CAMK1D: variants seen among roughly 807,000 people sequenced by gnomAD.
CAMK1D encodes the protein calcium/calmodulin dependent protein kinase ID.
A neutral mutation model predicts 47.7 loss-of-function variants in CAMK1D; 9 were observed. The observed-to-expected ratio is 0.19, with a 90% confidence interval of 0.11 to 0.33. The LOEUF (loss-of-function observed/expected upper bound fraction) is 0.33. Ranked by LOEUF, CAMK1D falls within the 10% of genes least tolerant of loss-of-function variation. CAMK1D has a pLI of 1.00. For synonymous variants in CAMK1D, 184 were observed against 184.9 expected (o/e 0.99, Z 0.04); for missense variants, 291 against 488.7 (o/e 0.60, Z 3.81).
chr10:12,774,957 C>T (rs1269596627), intron 5 of CAMK1D, among the ~76,000 whole-genome samples: 2 of 152,252 alleles, frequency 1.3e-5, no homozygotes, highest in Non-Finnish European at 2.9e-5. Context: ...CTCTAGGACA[C>T]GAGCTGGGAT....
chr10:12,492,347 C>CAAAAA (rs71384332), intron 1 of CAMK1D, among the ~76,000 whole-genome samples: 4 of 110,410 alleles, frequency 3.6e-5, no homozygotes, highest in African/African-American at 3.6e-5. Flanking sequence ...CACCTCATCT[C>CAAAAA]AAAAAAAAAA....
chr10:12,827,272 CTTTCT>C (rs1424359210), intron 10 of CAMK1D, among the ~76,000 whole-genome samples: 2 of 63,548 alleles, frequency 3.1e-5, no homozygotes, highest in Admixed American at 1.7e-4. Flanking sequence ...CTTTCCTTCT[CTTTCT>C]TTTCTTTTTC....
intron 1 of CAMK1D, among the ~76,000 whole-genome samples, chr10:12,503,280 G>A (rs1490020190): frequency 6.6e-6 from 1 of 152,310 alleles, no homozygotes; most frequent in East Asian, 1.9e-4. Flanking sequence ...AGGAGCATTT[G>A]CTCCTCGCCC....
intron 1 of CAMK1D, among the ~76,000 whole-genome samples, chr10:12,547,517 C>T (rs7095943): frequency 0.034 from 5,218 of 152,216 alleles, 211 homozygotes; most frequent in African/African-American, 0.096. Context: ...ATTTTTAAAA[C>T]TTTGTCACTC....
rs1246898139 is a variant in CAMK1D, at chr10:12,809,353, TC to T, written c.642-4840del. On this transcript the variant is annotated intron_variant, in intron 6 of 10. Transcript: ENST00000619168. Reference sequence around the variant, plus strand: ...ACTCTATGGAAAACAGTGTGGCAATTCCTCAGAAGATTAAAAATAGAGCTAC... The same window carrying T: ...ACTCTATGGAAAACAGTGTGGCAATTCTCAGAAGATTAAAAATAGAGCTAC... Among the ~76,000 whole-genome samples, 3 of 152,104 alleles carry T rather than the reference TC, an allele frequency of 2.0e-5. No individual in the cohort carries two copies. In the East Asian group the frequency reaches 5.8e-4, roughly 29 times the overall value.
intron 1 of CAMK1D, among the ~76,000 whole-genome samples, chr10:12,453,839 A>C (rs1833161195): frequency 6.6e-6 from 1 of 152,206 alleles, no homozygotes; most frequent in Non-Finnish European, 1.5e-5. Flanking sequence ...TTTTATGCAC[A>C]ATCTTGTGAG....
intron 2 of CAMK1D, among the ~76,000 whole-genome samples, chr10:12,624,165 G>A (rs1839132747): frequency 2.0e-5 from 3 of 152,008 alleles, no homozygotes; most frequent in Admixed American, 1.3e-4. Flanking sequence ...ATCATTCTTA[G>A]CATTTTGATC....
intron 1 of CAMK1D, among the ~76,000 whole-genome samples, chr10:12,359,505 C>G (rs1047901792): frequency 6.6e-6 from 1 of 151,496 alleles, no homozygotes; most frequent in Admixed American, 6.6e-5. Context: ...GCTCAGCCCT[C>G]CCCCTGGGTA....
At chr10:12,496,713 G>A (rs1418325681) in intron 1 of CAMK1D, among the ~76,000 whole-genome samples, 1 of 152,182 alleles carries the variant, frequency 6.6e-6, no homozygotes, top group Admixed American at 6.5e-5. Context: ...CTAATAGCAT[G>A]TATTTATTCA....
intron 1 of CAMK1D, among the ~76,000 whole-genome samples, chr10:12,384,632 G>T (rs373584428): frequency 6.6e-6 from 1 of 152,038 alleles, no homozygotes; most frequent in Non-Finnish European, 1.5e-5. Flanking sequence ...CTAGATATTC[G>T]TATATGAAAG....
At chr10:12,654,981 C>G (rs1345563312) in intron 2 of CAMK1D, among the ~76,000 whole-genome samples, 1 of 152,182 alleles carries the variant, frequency 6.6e-6, no homozygotes, top group East Asian at 1.9e-4. Flanking sequence ...CAAAAATGTT[C>G]CAGTTATTAG....
chr10:12,728,027 A>T (rs1339663051), intron 3 of CAMK1D, among the ~76,000 whole-genome samples: 1 of 152,072 alleles, frequency 6.6e-6, no homozygotes, highest in Non-Finnish European at 1.5e-5. Context: ...CGGCCTCCTA[A>T]AGTGTGGGGA....
chr10:12,579,104 A>G (rs929901095), intron 2 of CAMK1D, among the ~76,000 whole-genome samples: 1 of 151,972 alleles, frequency 6.6e-6, no homozygotes, highest in Non-Finnish European at 1.5e-5. Flanking sequence ...GCAAGAAACA[A>G]TTGGCTGGGT....
intron 1 of CAMK1D, among the ~76,000 whole-genome samples, chr10:12,511,025 C>T (rs1835024067): frequency 6.6e-6 from 1 of 152,222 alleles, no homozygotes; most frequent in South Asian, 2.1e-4. Context: ...TTCATTCTTG[C>T]AGCACTTACA....
At chr10:12,452,903 T>C (rs1318447565) in intron 1 of CAMK1D, among the ~76,000 whole-genome samples, 4 of 152,092 alleles carry the variant, frequency 2.6e-5, no homozygotes, top group Non-Finnish European at 5.9e-5. Context: ...TTCAGTGGCA[T>C]GAAGTATATT....
At chr10:12,592,417 T>A (rs1838024168) in intron 2 of CAMK1D, among the ~76,000 whole-genome samples, 1 of 152,244 alleles carries the variant, frequency 6.6e-6, no homozygotes, top group Non-Finnish European at 1.5e-5. Flanking sequence ...AATAATGAAC[T>A]TTAATTAAAG....
At chr10:12,504,151 G>C (rs1156888851) in intron 1 of CAMK1D, among the ~76,000 whole-genome samples, 1 of 148,096 alleles carries the variant, frequency 6.8e-6, no homozygotes, top group Non-Finnish European at 1.5e-5. Flanking sequence ...GTGTGTGTGT[G>C]ATGTATGTAA....
At chr10:12,598,959 G>A (rs770309187) in intron 2 of CAMK1D, among the ~76,000 whole-genome samples, 1 of 152,136 alleles carries the variant, frequency 6.6e-6, no homozygotes, top group African/African-American at 2.4e-5. Context: ...AACTACTTTG[G>A]AATTAGCACG....
chr10:12,821,646 G>A (rs544288690), intron 8 of CAMK1D, among the ~76,000 whole-genome samples: 10 of 152,350 alleles, frequency 6.6e-5, no homozygotes, highest in East Asian at 1.9e-4. Flanking sequence ...GTGTGATTAC[G>A]TAAATGCTAT....
Sources: gnomAD v4.1 joint callset for allele counts (sites outside exome capture counted in the v4.1 genomes callset) on GRCh38, gnomAD v4.1.1 for gene constraint, MANE v1.5 for transcripts, NCBI Gene and HGNC (gene_info 2026-07-23, HGNC 2026-07-21) for gene names.